The following SLC24A2 variants were observed in gnomAD, a reference collection of about 807,000 sequenced individuals.
SLC24A2 encodes the protein solute carrier family 24 member 2, also known as sodium/potassium/calcium exchanger 2.
Under a neutral mutation model 62.0 loss-of-function variants are expected in SLC24A2, and 36 were observed. The observed-to-expected ratio is 0.58, with a 90% CI of 0.44 to 0.77. SLC24A2 has a LOEUF of 0.77. Ranked by LOEUF, SLC24A2 falls within the 30% of genes least tolerant of loss-of-function variation. The pLI, the probability that SLC24A2 is intolerant of heterozygous loss-of-function variation, is 0.00. For missense variants in SLC24A2, 846 were observed against 817.9 expected (o/e 1.03, Z -0.42); for synonymous variants, 358 against 294.0 (o/e 1.22, Z -2.23).
At chr9:19,892,075 A>C in the SLC24A2 span, among the ~76,000 whole-genome samples, 1 of 152,212 alleles carries the variant, frequency 6.6e-6, no homozygotes. Flanking sequence ...CTCTATGCCA[A>C]CATGGGCCTT....
At chr9:19,641,933 A>G (rs1451796257) in intron 2 of SLC24A2, among the ~76,000 whole-genome samples, 1 of 152,088 alleles carries the variant, frequency 6.6e-6, no homozygotes, top group Non-Finnish European at 1.5e-5. Flanking sequence ...AATTTTGCCA[A>G]AATGTGCCTT....
chr9:20,002,704 AG>A, the SLC24A2 span, among the ~76,000 whole-genome samples: 4 of 152,216 alleles, frequency 2.6e-5, no homozygotes, highest in South Asian at 4.1e-4. Flanking sequence ...ACTGTCACCA[AG>A]GAGGTCACAG....
the SLC24A2 span, among the ~76,000 whole-genome samples, chr9:20,185,592 G>A: frequency 6.7e-6 from 1 of 149,554 alleles, no homozygotes; most frequent in Non-Finnish European, 1.5e-5. Flanking sequence ...GTGAACCCGG[G>A]AAGCAGAGCT....
the SLC24A2 span, among the ~76,000 whole-genome samples, chr9:19,972,970 G>A: frequency 6.6e-6 from 1 of 152,150 alleles, no homozygotes; most frequent in African/African-American, 2.4e-5. Flanking sequence ...CTTTTGGGGG[G>A]TGGGAAGAGG....
At chr9:19,909,128 T>C in the SLC24A2 span, among the ~76,000 whole-genome samples, 1 of 152,178 alleles carries the variant, frequency 6.6e-6, no homozygotes, top group Non-Finnish European at 1.5e-5. Flanking sequence ...GTGGCACATA[T>C]ATACCATGGA....
chr9:19,675,197 G>C (rs549874643), intron 2 of SLC24A2, among the ~76,000 whole-genome samples: 1 of 152,306 alleles, frequency 6.6e-6, no homozygotes, highest in South Asian at 2.1e-4. Context: ...AAAGAGTCCT[G>C]TGATGTGAAC....
intron 9 of SLC24A2, 61 bp from the exon 10 acceptor site, chr9:19,521,121 C>A (rs1351198150): frequency 4.0e-6 from 6 of 1,505,474 alleles, no homozygotes; most frequent in Admixed American, 1.7e-5. Flanking sequence ...ATAAAAATCA[C>A]AAAAATTTCA....
chr9:19,511,177 T>A lies in SLC24A2; in HGVS notation c.*4976A>T, dbSNP rs911638820. 6.6e-6 allele frequency: 1 copy of A among 152,102 alleles called. No individual in the cohort carries two copies. Among genetic ancestry groups the A allele is most frequent in the African/African-American group, 2.4e-5 (1 of 41,418 alleles). The allele number at this position is 152,102 out of a possible 1,614,324, so 9.4% of individuals were successfully genotyped here. On this transcript the variant is annotated 3_prime_UTR_variant, in exon 11 of 11. Coordinates refer to ENST00000341998, the MANE Select transcript of SLC24A2 (RefSeq NM_020344.4). ...TGGTGAAAAAGGAATATTGCCATGG[T>A]GTAATCATAAGTAATAGAGTTGAGC... is the stretch of plus-strand genomic sequence containing the variant.
chr9:20,034,677 C>T, the SLC24A2 span, among the ~76,000 whole-genome samples: 1 of 151,968 alleles, frequency 6.6e-6, no homozygotes, highest in Non-Finnish European at 1.5e-5. Context: ...ACCGTGTTAG[C>T]CAGGATGGTC....
intron 8 of SLC24A2, among the ~76,000 whole-genome samples, chr9:19,547,392 G>A (rs1834634640): frequency 6.6e-6 from 1 of 152,282 alleles, no homozygotes. Context: ...TTCTTGCTCT[G>A]TGCCTCTCCG....
intron 2 of SLC24A2, among the ~76,000 whole-genome samples, chr9:19,684,619 T>C (rs887437287): frequency 3.3e-5 from 5 of 152,068 alleles, no homozygotes; most frequent in Non-Finnish European, 5.9e-5. Context: ...GTGAGTTTCA[T>C]CTAGACTTGT....
chr9:19,615,673 G>A (rs905141727), intron 4 of SLC24A2, among the ~76,000 whole-genome samples: 1 of 152,156 alleles, frequency 6.6e-6, no homozygotes, highest in Non-Finnish European at 1.5e-5. Context: ...CACCACTGTA[G>A]CCTCCCACAT....
chr9:20,162,912 CT>C, the SLC24A2 span, among the ~76,000 whole-genome samples: 2 of 152,136 alleles, frequency 1.3e-5, no homozygotes, highest in South Asian at 4.2e-4. Context: ...CAGAAAAGGC[CT>C]TTGATAAAAT....
At chr9:19,584,592 G>C (rs1174090910) in intron 5 of SLC24A2, among the ~76,000 whole-genome samples, 1 of 152,116 alleles carries the variant, frequency 6.6e-6, no homozygotes, top group Non-Finnish European at 1.5e-5. Flanking sequence ...TTACCTAATA[G>C]AGGCAGGCTT....
At chr9:19,895,564 A>G in the SLC24A2 span, among the ~76,000 whole-genome samples, 1 of 49,034 alleles carries the variant, frequency 2.0e-5, no homozygotes, top group South Asian at 6.3e-4. Context: ...TTTTTTTTTT[A>G]CAAACAGTAA....
the SLC24A2 span, among the ~76,000 whole-genome samples, chr9:19,894,406 T>C: frequency 6.6e-6 from 1 of 152,246 alleles, no homozygotes; most frequent in African/African-American, 2.4e-5. Flanking sequence ...TATATATTCA[T>C]CCATATGTTA....
the SLC24A2 span, among the ~76,000 whole-genome samples, chr9:20,050,208 A>T: frequency 7.0e-6 from 1 of 143,434 alleles, no homozygotes; most frequent in African/African-American, 2.6e-5. Context: ...GAAACCAACC[A>T]GCCTGGCCAA....
At chr9:19,663,192 T>G (rs59978332) in intron 2 of SLC24A2, among the ~76,000 whole-genome samples, 124,132 of 152,084 alleles carry the variant, frequency 0.82, 50,750 homozygotes, top group East Asian at 0.9. Flanking sequence ...TTTTACAGAT[T>G]AGGAAAAAGA....
At chr9:19,712,547 A>G (rs1180861674) in intron 2 of SLC24A2, among the ~76,000 whole-genome samples, 2 of 152,144 alleles carry the variant, frequency 1.3e-5, no homozygotes, top group Admixed American at 6.5e-5. Context: ...GAGCAGACAA[A>G]TGAGAGGCAG....
Sources: gnomAD v4.1 joint callset for allele counts (sites outside exome capture counted in the v4.1 genomes callset) on GRCh38, gnomAD v4.1.1 for gene constraint, MANE v1.5 for transcripts, NCBI Gene and HGNC (gene_info 2026-07-23, HGNC 2026-07-21) for gene names.